The following NCOR2 variants were observed in gnomAD, a reference collection of about 807,000 sequenced individuals.
The protein encoded by NCOR2 is CTG repeat protein 26.
In NCOR2, 81 loss-of-function variants were observed where a neutral mutation model predicts 262.9. That is an observed-to-expected ratio of 0.31 (90% CI 0.26 to 0.37). The LOEUF (loss-of-function observed/expected upper bound fraction) is 0.37. Ranked by LOEUF, NCOR2 falls within the 10% of genes least tolerant of loss-of-function variation. NCOR2 has a pLI of 1.00. For synonymous variants in NCOR2, 1,659 were observed against 1,559.3 expected (o/e 1.06, Z -1.51); for missense variants, 3,385 against 3,621.4 (o/e 0.93, Z 1.68).
chr12:124,383,373 G>A, intron 17 of NCOR2: 1 of 253,452 alleles, frequency 3.9e-6, no homozygotes, highest in Admixed American at 5.3e-5. Context: ...CGTTCAAGAG[G>A]CGCCCTCGTC....
At chr12:124,479,191 G>C (rs781310754) in intron 3 of NCOR2, among the ~76,000 whole-genome samples, 1 of 152,234 alleles carries the variant, frequency 6.6e-6, no homozygotes, top group Non-Finnish European at 1.5e-5. Flanking sequence ...ACCCTCCAAG[G>C]CTGGGCCCTG....
At chr12:124,354,807 C>G (rs1207706096) in intron 25 of NCOR2, 30 bp downstream of exon 27, 1 of 1,599,610 alleles carries the variant, frequency 6.3e-7, no homozygotes, top group African/African-American at 1.3e-5. Context: ...CCAGCCTGAG[C>G]CACCCAGACG....
rs567827039 is a variant in NCOR2 at position 124,350,568 on chromosome 12, C to T, written c.3844+19G>A. 2.2e-4 allele frequency: 346 copies of T among 1,607,196 alleles called. 2 individuals carry two copies. Among genetic ancestry groups the T allele is most frequent in the South Asian group, 9.9e-4 (90 of 90,462 alleles). On this transcript the variant is annotated intron_variant, in intron 28 of 46. Transcript: ENST00000405201. ...CACTCCTCCCCTGGTCCTGGGCCTCCTCTCCTCCTGCGACTCACCCTCATA... is the reference window on the plus strand; with the variant it reads ...CACTCCTCCCCTGGTCCTGGGCCTCTTCTCCTCCTGCGACTCACCCTCATA...
rs1565894757 is a variant in NCOR2 at position 124,383,118 on chromosome 12, G to T, written c.2019+2627C>A. Among the ~76,000 whole-genome samples, 4 of 152,172 alleles carry T rather than the reference G, an allele frequency of 2.6e-5. No homozygotes were observed. The South Asian group carries it at 8.3e-4, about 32-fold the overall frequency. ...AGCTCTCACTAGCAGAGTGTCTGGG[G>T]CATACTAGGCCGCATTCCCAGCACT... is the stretch of plus-strand genomic sequence containing the variant. On this transcript the variant is annotated intron_variant, in intron 17 of 46. Transcript: ENST00000405201.
At chr12:124,332,421 A>C in exon 43 of NCOR2, 1 of 1,614,198 alleles carries the variant, frequency 6.2e-7, no homozygotes, top group Non-Finnish European at 8.5e-7. Flanking sequence ...TTGCTGAAGA[A>C]GGCTGGCGGC....
chr12:124,390,507 G>T (rs2041226522), intron 16 of NCOR2, among the ~76,000 whole-genome samples: 1 of 145,326 alleles, frequency 6.9e-6, no homozygotes, highest in East Asian at 2.1e-4. Flanking sequence ...CCATCCCAGG[G>T]TTTGATCATC....
In NCOR2 at chr12:124,564,450, G is replaced by C. The variant is rs1017144263; in HGVS notation, c.-165+2858C>G. Among the ~76,000 whole-genome samples, 3 of 152,130 alleles carry C rather than the reference G, an allele frequency of 2.0e-5. No individual in the cohort carries two copies. In the South Asian group the frequency reaches 6.2e-4, roughly 32 times the overall value. ...TCACCTGGGGAGGCTGCTGTTTAGC[G>C]TTTGAGATGTGAAGAGGAAACAGGG... On this transcript the variant is annotated intron_variant, in intron 1 of 32. Coordinates refer to the NCOR2 transcript ENST00000458234.
chr12:124,361,962 C>T (rs1178425282), intron 22 of NCOR2, among the ~76,000 whole-genome samples, 164 bp downstream of exon 24: 1 of 152,258 alleles, frequency 6.6e-6, no homozygotes, highest in African/African-American at 2.4e-5. Flanking sequence ...GCAGTCCCTA[C>T]CATTCCCAAC....
chr12:124,350,109 G>A (rs892889655), intron 28 of NCOR2, among the ~76,000 whole-genome samples: 1 of 152,082 alleles, frequency 6.6e-6, no homozygotes, highest in Non-Finnish European at 1.5e-5. Context: ...TCTCTTTCCC[G>A]GCACTCGATT....
chr12:124,466,398 G>C lies in NCOR2; in HGVS notation c.592-112C>G, dbSNP rs1374804109. 2.3e-5 allele frequency: 21 copies of C among 903,948 alleles called. No individual in the cohort carries two copies. The East Asian group carries it at 4.6e-4, about 20-fold the overall frequency. 56.0% of individuals were successfully genotyped at this position (903,948 alleles called of 1,614,324 possible). On this transcript the variant is annotated intron_variant, in intron 4 of 46. Coordinates refer to ENST00000405201, the Ensembl canonical transcript of NCOR2. ...GCAGCCCGGGCCACGGCCGCGCACA[G>C]GAAGTCAGGCTGCTACACATTTCCT...
chr12:124,483,829 C>T lies in NCOR2; in HGVS notation c.234-56G>A, dbSNP rs1224052548. ...AGGAGATTGCGGCTCTGAGAACTCC[C>T]GAGGCCCCGACCACCCTCTGCGCCG... On this transcript the variant is annotated intron_variant, in intron 2 of 46. Coordinates refer to ENST00000405201, the Ensembl canonical transcript of NCOR2. This position sits in a 1 kb window ranked among gnomAD's most constrained non-coding sequence, Gnocchi z 6.3. The T allele has an allele frequency of 2.0e-5, 29 of 1,477,320 alleles. No homozygotes were observed. The highest frequency in any genetic ancestry group is 2.5e-5 in the Non-Finnish European group (28 of 1,111,390). 91.5% of individuals were successfully genotyped at this position (1,477,320 alleles called of 1,614,324 possible).
At chr12:124,524,746 C>T (rs573083521) in intron 1 of NCOR2, among the ~76,000 whole-genome samples, 47 of 152,338 alleles carry the variant, frequency 3.1e-4, no homozygotes, top group African/African-American at 1.1e-3. Context: ...TTGAATGACT[C>T]GTCCCTGGAC....
intron 16 of NCOR2, among the ~76,000 whole-genome samples, chr12:124,386,349 T>C (rs149773132): frequency 6.6e-6 from 1 of 152,082 alleles, no homozygotes; most frequent in Non-Finnish European, 1.5e-5. Context: ...GACGGGTTGT[T>C]TTCCGGCCAC....
chr12:124,461,796 T>A (rs533542824), intron 5 of NCOR2, among the ~76,000 whole-genome samples: 1 of 152,352 alleles, frequency 6.6e-6, no homozygotes, highest in Middle Eastern at 3.4e-3. Context: ...CCTATATACA[T>A]GCCTCACATG....
intron 1 of NCOR2, among the ~76,000 whole-genome samples, chr12:124,546,515 A>C (rs1267055417): frequency 6.6e-6 from 1 of 152,060 alleles, no homozygotes; most frequent in African/African-American, 2.4e-5. Context: ...CCTGGGTTCA[A>C]GTGATTATCC....
rs567422232 is a variant in NCOR2, at chr12:124,546,085, C to G, written c.-164-10474G>C. Among the ~76,000 whole-genome samples, 5 of 152,328 alleles carry G rather than the reference C, an allele frequency of 3.3e-5. No homozygotes were observed. The South Asian group carries it at 1.0e-3, about 32-fold the overall frequency. The stretch of plus-strand genomic sequence containing the variant: ...CAGCAAGGCCACAGAGCACAGGTCT[C>G]GTGATCTCAGGATAGGGTCTGAGAC... On this transcript the variant is annotated intron_variant, in intron 1 of 32. Transcript: ENST00000458234.
exon 21 of NCOR2, chr12:124,363,788 G>T: frequency 7.3e-7 from 1 of 1,363,540 alleles, no homozygotes. Flanking sequence ...GCTGGGCCTT[G>T]GGGACAGCAG....
rs1049182821 is a variant in NCOR2, at chr12:124,389,804, G to T, written c.1877-3917C>A. Among the ~76,000 whole-genome samples, 2 of 152,260 alleles carry T rather than the reference G, an allele frequency of 1.3e-5. No homozygotes were observed. The highest frequency in any genetic ancestry group is 2.1e-4 in the South Asian group (1 of 4,828). ...CCAAAGAGCCCTCTGCTGCTGGGGG[G>T]GTCTCGGGACCACAGCTGCCCCTTT... On this transcript the variant is annotated intron_variant, in intron 16 of 46. Coordinates refer to ENST00000405201, the Ensembl canonical transcript of NCOR2. The surrounding 1 kb of genome is among the most constrained non-coding windows in gnomAD (Gnocchi z 4.4).
At chr12:124,325,388 C>CCCCCCCCCCCGGGGGGTG in exon 47 of NCOR2, 1 of 693,388 alleles carries the variant, frequency 1.4e-6, no homozygotes, top group Non-Finnish European at 2.0e-6. Flanking sequence ...CCCCCCCCCC[C>CCCCCCCCCCCGGGGGGTG]GCCCTGTTCT....
Sources: allele counts gnomAD v4.1 joint callset (sites outside exome capture counted in the v4.1 genomes callset), GRCh38; gene constraint gnomAD v4.1.1; non-coding constraint Gnocchi (gnomAD v3.1); transcripts MANE v1.5; gene names NCBI Gene and HGNC (gene_info 2026-07-23, HGNC 2026-07-21).